The following DENND2D variants were observed in gnomAD, a reference collection of about 807,000 sequenced individuals.
DENND2D encodes DENN domain containing 2D, also known as DENN domain-containing protein 2D.
Under a neutral mutation model 59.8 loss-of-function variants are expected in DENND2D, and 37 were observed. The observed-to-expected ratio is 0.62, with a 90% CI of 0.48 to 0.81. The LOEUF is 0.81. Among genes scored for constraint, DENND2D ranks in the 40% least tolerant of loss-of-function variants. DENND2D has a pLI of 0.00. For missense variants in DENND2D, 525 were observed against 579.7 expected, an observed-to-expected ratio of 0.91 and a Z score of 0.97; for synonymous variants, 219 against 211.3, an observed-to-expected ratio of 1.04 and a Z score of -0.31.
intron 3 of DENND2D, among the ~76,000 whole-genome samples, chr1:111,198,412 G>A (rs1257543527): frequency 6.6e-6 from 1 of 152,180 alleles, no homozygotes; most frequent in Non-Finnish European, 1.5e-5. Context: ...AGGACAGGTG[G>A]GAGAATCTGG....
upstream of DENND2D, chr1:111,204,228 C>G (rs1300702994): frequency 7.1e-7 from 1 of 1,416,682 alleles, no homozygotes; most frequent in Non-Finnish European, 9.2e-7. Flanking sequence ...GGGCCCCAGC[C>G]GCCAGCCCTA....
chr1:111,189,458 G>A, intron 8 of DENND2D: 2 of 591,878 alleles, frequency 3.4e-6, no homozygotes, highest in East Asian at 2.9e-5. Flanking sequence ...AGGAAAGGGT[G>A]TGGGTGTTTG....
Position 111,198,687 on chromosome 1 carries a change from A to G in DENND2D, c.299T>C (p.Ile100Thr). 6.2e-7 allele frequency: 1 copy of G among 1,614,152 alleles called. No individual in the cohort carries two copies. The highest frequency in any genetic ancestry group is 1.1e-5 in the South Asian group (1 of 91,078). The change falls in exon 3 of 12, where the codon ATC becomes ACC. Residue 100 changes from isoleucine to threonine, a missense_variant. Physicochemically the swap from Ile to Thr is moderately conservative, Grantham distance 89. This residue lies in a region of DENND2D where 253 missense variants were observed against 246.4 expected (regional missense o/e 1.03). Transcript: ENST00000357640. ...QEEEERLLKA[I>T]PLFCFPDGNE... The stretch of plus-strand genomic sequence containing the variant: ...CCCATCTGGGAAGCAGAACAAGGGG[A>G]TAGCTTTGAGCAGCCGCTCCTCCTC...
intron 1 of DENND2D, 44 bp downstream of exon 1, chr1:111,200,349 G>C: frequency 6.3e-7 from 1 of 1,596,210 alleles, no homozygotes; most frequent in South Asian, 1.1e-5. Flanking sequence ...TCCCGCCTAA[G>C]AGGGTCACCC....
intron 8 of DENND2D, among the ~76,000 whole-genome samples, 187 bp downstream of exon 8, chr1:111,191,953 A>G (rs1358993522): frequency 1.3e-5 from 2 of 152,200 alleles, no homozygotes; most frequent in Non-Finnish European, 2.9e-5. Context: ...TAGGAGCTCT[A>G]GGCAGGTGGT....
Position 111,198,626 on chromosome 1 carries a change from T to C in DENND2D, c.356+4A>G. On this transcript the variant is annotated splice_donor_region_variant and intron_variant, in intron 3 of 11. Transcript: ENST00000357640. ...AATACCCTTGCCCAGGGCTGAGCAA[T>C]TACCTGGGATACTCGGTGAGTGATG... is the stretch of plus-strand genomic sequence containing the variant. 6.2e-7 allele frequency: 1 copy of C among 1,613,678 alleles called. No individual in the cohort carries two copies. The highest frequency in any genetic ancestry group is 1.1e-5 in the South Asian group (1 of 91,062).
At chr1:111,203,606 T>C (rs909209636), upstream of DENND2D, among the ~76,000 whole-genome samples, 2 of 152,258 alleles carry the variant, frequency 1.3e-5, no homozygotes, top group African/African-American at 4.8e-5. Context: ...TGACTTCTAA[T>C]TTAATCCCCA....
rs913011826 is a variant in DENND2D, at chr1:111,186,314, A to AT, written c.*1290dup. Among the ~76,000 whole-genome samples, 2 of 152,204 alleles carry AT rather than the reference A, an allele frequency of 1.3e-5. No homozygotes were observed. The highest frequency in any genetic ancestry group is 4.8e-5 in the African/African-American group (2 of 41,442). On this transcript the variant is annotated 3_prime_UTR_variant, in exon 12 of 12. Coordinates refer to ENST00000357640, the MANE Select transcript of DENND2D (RefSeq NM_024901.5). ...CCATAAACTACCAAAAAAAAATGTA[A>AT]TTCCTAGAAGCTGTGAAGAATAGTA...
At chr1:111,195,666 A>G in intron 6 of DENND2D, 1 of 440,946 alleles carries the variant, frequency 2.3e-6, no homozygotes, top group Non-Finnish European at 4.1e-6. Flanking sequence ...GCCTCAACTT[A>G]CATGGTTTAT....
At chr1:111,198,081 A>G (rs1313039049) in intron 3 of DENND2D, 92 bp from the exon 4 acceptor site, 2 of 1,252,664 alleles carry the variant, frequency 1.6e-6, no homozygotes, top group Non-Finnish European at 2.3e-6. Context: ...AGGAGGGCAA[A>G]GGGGAGTTGC....
At position 111,200,437 on chromosome 1, in the gene DENND2D, C is replaced by T. The variant is rs116341180; in HGVS notation, c.23G>A (p.Arg8Gln). 1.2e-5 allele frequency: 20 copies of T among 1,612,054 alleles called. No homozygotes were observed. Among genetic ancestry groups the T allele is most frequent in the African/African-American group, 4.0e-5 (3 of 74,960 alleles). Residue 8 changes from arginine (R) to glutamine (Q), a missense_variant, in exon 1 of 12, where the codon CGG becomes CAG. Arg to Gln is a conservative substitution (Grantham distance 43). Around this residue, in one of 3 missense-constraint regions of DENND2D, gnomAD observed 253 missense variants for 246.4 expected, o/e 1.03. Coordinates refer to ENST00000357640, the MANE Select transcript of DENND2D (RefSeq NM_024901.5). MEGQVVG[R>Q]VFRLFQRRLL... ...TCGGCGTTGGAAGAGCCTGAACACC[C>T]GGCCTACCACTTGTCCTTCCATCTC...
intron 8 of DENND2D, among the ~76,000 whole-genome samples, chr1:111,189,788 C>T (rs911699257): frequency 6.6e-6 from 1 of 152,206 alleles, no homozygotes; most frequent in African/African-American, 2.4e-5. Flanking sequence ...TACAATTCCC[C>T]TTCAACTCCC....
chr1:111,198,507 C>A, intron 3 of DENND2D, 123 bp downstream of exon 3: 2 of 927,044 alleles, frequency 2.2e-6, no homozygotes. Context: ...TCAAACAAAT[C>A]AATTACACTC....
At chr1:111,189,786 C>A (rs12095013) in intron 8 of DENND2D, among the ~76,000 whole-genome samples, 5,931 of 152,234 alleles carry the variant, frequency 0.039, 366 homozygotes, top group African/African-American at 0.14. Flanking sequence ...TCTACAATTC[C>A]CCTTCAACTC....
intron 8 of DENND2D, among the ~76,000 whole-genome samples, chr1:111,191,770 G>A (rs901190198): frequency 2.0e-5 from 3 of 152,180 alleles, no homozygotes; most frequent in Admixed American, 6.5e-5. Flanking sequence ...GACCAGCTGT[G>A]TCATACATTT....
chr1:111,188,266 C>G lies in DENND2D; in HGVS notation c.1204G>C (p.Gly402Arg). 1 of 1,614,180 alleles carries G rather than the reference C, an allele frequency of 6.2e-7. No individual in the cohort carries two copies. Among genetic ancestry groups the G allele is most frequent in the Non-Finnish European group, 8.5e-7 (1 of 1,180,028 alleles). Residue 402 changes from glycine (G) to arginine (R), a missense_variant, in exon 11 of 12, where the codon GGC becomes CGC. This residue lies in a region of DENND2D where 225 missense variants were observed against 252.4 expected (regional missense o/e 0.89). Transcript: ENST00000357640. ...SYIKREANGQ[G>R]HFQERSFCKA... ...CAGAAGGATCTTTCTTGGAAGTGGCCTTGCCCATTTGCCTCCCGCTTGATA... is the reference window on the plus strand; with the variant it reads ...CAGAAGGATCTTTCTTGGAAGTGGCGTTGCCCATTTGCCTCCCGCTTGATA...
Position 111,195,931 on chromosome 1 carries a change from G to A in DENND2D, c.630C>T (p.Pro210=), listed in dbSNP as rs149711237. The change falls in exon 6 of 12, where the codon CCC becomes CCT. Residue 210 remains proline, a synonymous_variant. Transcript: ENST00000357640. ...GKTVTLKSFI[P]DSGTEFISLT... ...GCTAACCCACCTCAGTGCCTGAGTCGGGGATGAAGCTCTTGAGAGTGACAG... is the reference window on the plus strand; with the variant it reads ...GCTAACCCACCTCAGTGCCTGAGTCAGGGATGAAGCTCTTGAGAGTGACAG... The A allele has an allele frequency of 1.0e-3, 1,671 of 1,613,938 alleles. 1 individual carries two copies. Among genetic ancestry groups the A allele is most frequent in the Non-Finnish European group, 1.3e-3 (1,590 of 1,180,022 alleles).
At chr1:111,200,317 G>C (rs1231103723) in intron 1 of DENND2D, 76 bp downstream of exon 1, 2 of 1,544,490 alleles carry the variant, frequency 1.3e-6, no homozygotes, top group African/African-American at 2.7e-5. Context: ...GAGGAGGAAG[G>C]AGCATTTCAA....
At chr1:111,199,589 C>T in intron 2 of DENND2D, 34 bp downstream of exon 2, 1 of 1,592,136 alleles carries the variant, frequency 6.3e-7, no homozygotes, top group South Asian at 1.1e-5. Flanking sequence ...CACCCCAGTC[C>T]TCTGGCTGGC....
Sources: gnomAD v4.1 joint callset for allele counts (sites outside exome capture counted in the v4.1 genomes callset) on GRCh38, gnomAD v4.1.1 for gene constraint, gnomAD v4.1.1 regional missense constraint, MANE v1.5 for transcripts, NCBI Gene and HGNC (gene_info 2026-07-23, HGNC 2026-07-21) for gene names.